DOK5: variants seen among roughly 807,000 people sequenced by gnomAD.
DOK5 encodes downstream of tyrosine kinase 5.
DOK5 carries 27 observed loss-of-function variants against 43.3 expected under a neutral mutation model. That is an observed-to-expected ratio of 0.62 (90% CI 0.46 to 0.86). DOK5 has a LOEUF of 0.86. DOK5 is among the 40% of genes least tolerant of loss of function. The pLI, the probability that DOK5 is intolerant of heterozygous loss-of-function variation, is 0.00. For missense variants in DOK5, 373 were observed against 392.9 expected (o/e 0.95, Z 0.43); for synonymous variants, 146 against 140.1 (o/e 1.04, Z -0.30).
intron 2 of DOK5, among the ~76,000 whole-genome samples, chr20:54,556,584 C>A (rs1372189164): frequency 6.6e-6 from 1 of 152,202 alleles, no homozygotes; most frequent in Non-Finnish European, 1.5e-5. Context: ...AGATGGCGAG[C>A]AATGCTATAA....
At chr20:54,539,220 G>A (rs755070351) in intron 1 of DOK5, among the ~76,000 whole-genome samples, 2 of 145,044 alleles carry the variant, frequency 1.4e-5, no homozygotes, top group Non-Finnish European at 3.0e-5. Context: ...AACCCGGGAG[G>A]CAGAGGTGAG....
At chr20:54,542,762 G>A (rs181763992) in intron 1 of DOK5, among the ~76,000 whole-genome samples, 7 of 152,320 alleles carry the variant, frequency 4.6e-5, no homozygotes, top group Admixed American at 2.0e-4. Context: ...TGAGGGTTCT[G>A]GAATGTCTTA....
chr20:54,503,458 AT>A (rs919052235), intron 1 of DOK5, among the ~76,000 whole-genome samples: 6 of 151,766 alleles, frequency 4.0e-5, no homozygotes, highest in Admixed American at 1.3e-4. Flanking sequence ...TTTATTCTTG[AT>A]TTTTTTTAAA....
chr20:54,609,203 T>A (rs974367160), intron 5 of DOK5, among the ~76,000 whole-genome samples: 1 of 152,222 alleles, frequency 6.6e-6, no homozygotes, highest in African/African-American at 2.4e-5. Flanking sequence ...AGGCTGAGAA[T>A]TTGCTTAGTT....
intron 2 of DOK5, among the ~76,000 whole-genome samples, chr20:54,586,703 T>G (rs1464321880): frequency 2.0e-5 from 3 of 152,136 alleles, no homozygotes; most frequent in African/African-American, 7.2e-5. Context: ...AGGTGTCCAG[T>G]GGGGCCTCTG....
chr20:54,610,364 G>A (rs1600734294), intron 5 of DOK5, 24 bp from the exon 6 acceptor site: 1 of 1,492,300 alleles, frequency 6.7e-7, no homozygotes. Flanking sequence ...ATTTTCAGAA[G>A]CTGTTTTGTT....
chr20:54,636,528 C>CT (rs1251991785), intron 6 of DOK5, among the ~76,000 whole-genome samples: 1 of 152,180 alleles, frequency 6.6e-6, no homozygotes, highest in Non-Finnish European at 1.5e-5. Flanking sequence ...TCAACTAGTC[C>CT]TGTGGTCCCA....
chr20:54,627,736 T>C (rs183179446), intron 6 of DOK5, among the ~76,000 whole-genome samples: 304 of 152,272 alleles, frequency 2.0e-3, no homozygotes, highest in African/African-American at 6.7e-3. Flanking sequence ...GGGTTCCACT[T>C]GAGTGTTTTA....
chr20:54,555,102 G>A, intron 2 of DOK5, 62 bp downstream of exon 2: 1 of 1,142,218 alleles, frequency 8.8e-7, no homozygotes. Context: ...TGGAATTACT[G>A]ACTGAAAACT....
chr20:54,650,250 T>C (rs191265632), intron 7 of DOK5, among the ~76,000 whole-genome samples, 165 bp from the exon 8 acceptor site: 8 of 152,354 alleles, frequency 5.3e-5, no homozygotes, highest in Admixed American at 3.3e-4. Flanking sequence ...ACGTAAATCA[T>C]GCAATCTCTG....
At chr20:54,625,980 G>A (rs1335618621) in intron 6 of DOK5, among the ~76,000 whole-genome samples, 5 of 152,194 alleles carry the variant, frequency 3.3e-5, no homozygotes, top group Non-Finnish European at 7.3e-5. Context: ...GAAGGAGAAC[G>A]CTGCTGCGAG....
At chr20:54,556,994 G>A (rs185661022) in intron 2 of DOK5, among the ~76,000 whole-genome samples, 2 of 152,290 alleles carry the variant, frequency 1.3e-5, no homozygotes, top group Admixed American at 1.3e-4. Context: ...ATACATTATA[G>A]GAACTCCTCA....
chr20:54,490,134 G>A (rs942256843), intron 1 of DOK5, among the ~76,000 whole-genome samples: 1 of 152,134 alleles, frequency 6.6e-6, no homozygotes, highest in African/African-American at 2.4e-5. Context: ...AACTCAAAAA[G>A]TAGTTATTTA....
At chr20:54,589,268 A>G (rs976232698) in intron 4 of DOK5, among the ~76,000 whole-genome samples, 1 of 152,172 alleles carries the variant, frequency 6.6e-6, no homozygotes, top group African/African-American at 2.4e-5. Flanking sequence ...CAGATTTTAA[A>G]ATGTCATGGG....
chr20:54,591,540 ATGCCTCTATGTTCC>A, intron 4 of DOK5, 62 bp from the exon 5 acceptor site: 1 of 1,139,882 alleles, frequency 8.8e-7, no homozygotes, highest in Non-Finnish European at 1.2e-6. Flanking sequence ...TTGTTTTTAA[ATGCCTCTATGTTCC>A]TACAATGTCT....
At chr20:54,476,272 A>C in intron 1 of DOK5, 12 of 916,792 alleles carry the variant, frequency 1.3e-5, no homozygotes, top group Non-Finnish European at 1.4e-5. Context: ...CCTGGAGCCC[A>C]TCTACTCGAA....
At chr20:54,493,626 C>T (rs1236128420) in intron 1 of DOK5, among the ~76,000 whole-genome samples, 1 of 152,140 alleles carries the variant, frequency 6.6e-6, no homozygotes, top group African/African-American at 2.4e-5. Context: ...TCAGTGGCTA[C>T]CATATTGGAC....
intron 2 of DOK5, among the ~76,000 whole-genome samples, chr20:54,571,937 G>T (rs916675851): frequency 3.3e-5 from 5 of 151,944 alleles, no homozygotes; most frequent in African/African-American, 1.2e-4. Flanking sequence ...AGTTTCTTTT[G>T]CCTGGAAGCT....
At chr20:54,533,987 C>A (rs1434749146) in intron 1 of DOK5, among the ~76,000 whole-genome samples, 2 of 151,974 alleles carry the variant, frequency 1.3e-5, no homozygotes, top group African/African-American at 4.8e-5. Context: ...GACTATTTTT[C>A]TAGTGGATTA....
Sources: gnomAD v4.1 joint callset for allele counts (sites outside exome capture counted in the v4.1 genomes callset) on GRCh38, gnomAD v4.1.1 for gene constraint, MANE v1.5 for transcripts, NCBI Gene and HGNC (gene_info 2026-07-23, HGNC 2026-07-21) for gene names.